Variants in CWF19L1 observed in about 807,000 individuals in gnomAD.
CWF19L1 encodes the protein CWF19-like protein 1.
A neutral mutation model predicts 69.7 loss-of-function variants in CWF19L1; 60 were observed. That is an observed-to-expected ratio of 0.86 (90% CI 0.70 to 1.07). CWF19L1 has a LOEUF of 1.07. Among genes scored for constraint, CWF19L1 ranks in the 50% least tolerant of loss-of-function variants. The pLI, the probability that CWF19L1 is intolerant of heterozygous loss-of-function variation, is 0.00. For missense variants in CWF19L1, 591 were observed against 638.9 expected, an observed-to-expected ratio of 0.92 and a Z score of 0.81; for synonymous variants, 209 against 222.2, an observed-to-expected ratio of 0.94 and a Z score of 0.53.
At chr10:100,255,308 C>T (rs1847173073) in intron 5 of CWF19L1, among the ~76,000 whole-genome samples, 1 of 152,074 alleles carries the variant, frequency 6.6e-6, no homozygotes, top group South Asian at 2.1e-4. Flanking sequence ...CACTAGAGCG[C>T]AGGAGTTCAA....
chr10:100,261,103 T>C, intron 2 of CWF19L1, 59 bp from the exon 3 acceptor site: 1 of 1,100,640 alleles, frequency 9.1e-7, no homozygotes, highest in Admixed American at 2.0e-5. Flanking sequence ...AGTACATAAT[T>C]GATAGTAATA....
At chr10:100,261,639 T>C (rs1847404994) in intron 2 of CWF19L1, among the ~76,000 whole-genome samples, 2 of 152,208 alleles carry the variant, frequency 1.3e-5, no homozygotes, top group South Asian at 2.1e-4. Flanking sequence ...TTGGTATGTA[T>C]GTTACCTGAC....
chr10:100,256,470 T>G lies in CWF19L1; in HGVS notation c.296A>C (p.Lys99Thr), dbSNP rs1200027365. 6.2e-7 allele frequency: 1 copy of G among 1,613,928 alleles called. No individual in the cohort carries two copies. Among genetic ancestry groups the G allele is most frequent in the South Asian group, 1.1e-5 (1 of 91,080 alleles). The change falls in exon 5 of 14, where the codon AAA becomes ACA. Residue 99 changes from lysine to threonine, a missense_variant. Lys to Thr is a moderately conservative substitution (Grantham distance 78). Transcript: ENST00000354105. ...LAENITYLGR[K>T]GIFTGSSGLQ... ...CCCCGAGCTTCCAGTGAAGATACCT[T>G]TACGACCTGGGTTCAAAGAAAAATG...
Position 100,253,464 on chromosome 10 carries a change from A to G in CWF19L1, c.580T>C (p.Phe194Leu), listed in dbSNP as rs545617935. ...LATGLKPRYH[F>L]AALEKTYYER... ...TAATAGGTCTTTTCCAAAGCAGCAA[A>G]ATGGTATCTTGGTTTCAAGCCCGTG... Residue 194 changes from phenylalanine (F) to leucine (L), a missense_variant, in exon 6 of 14, where the codon TTT becomes CTT. This residue lies in a region of CWF19L1 where 458 missense variants were observed against 489.3 expected (regional missense o/e 0.94). Coordinates refer to ENST00000354105, the MANE Select transcript of CWF19L1 (RefSeq NM_018294.6). 1.5e-4 allele frequency: 250 copies of G among 1,614,000 alleles called. 3 individuals carry two copies. In the South Asian group the frequency reaches 2.6e-3, roughly 17 times the overall value.
chr10:100,267,431 T>G (rs1847638131), intron 1 of CWF19L1, 140 bp downstream of exon 1: 4 of 1,555,404 alleles, frequency 2.6e-6, no homozygotes, highest in Non-Finnish European at 3.5e-6. Context: ...GGCAAAGACA[T>G]CACCTAAGCT....
rs139642060 is a variant in CWF19L1 at position 100,235,404 on chromosome 10, C to T, written c.1472+263G>A. 3.0e-3 allele frequency among the ~76,000 whole-genome samples: 455 copies of T among 152,306 alleles called. 4 individuals are homozygous for T. Among genetic ancestry groups the T allele is most frequent in the African/African-American group, 0.011 (444 of 41,562 alleles). On this transcript the variant is annotated intron_variant, in intron 13 of 13. Coordinates refer to ENST00000354105, the MANE Select transcript of CWF19L1 (RefSeq NM_018294.6). ...ATGCCTCTCAGGTTCAACTTTGCCA[C>T]TTTCATGAAGGCTTTCACCAACTAG...
chr10:100,258,388 C>A (rs964782106), intron 4 of CWF19L1, among the ~76,000 whole-genome samples: 46 of 152,194 alleles, frequency 3.0e-4, no homozygotes, highest in African/African-American at 1.1e-3. Context: ...AACCCAAGTA[C>A]CTTAGCTGCT....
At position 100,238,219 on chromosome 10, in the gene CWF19L1, G is replaced by A. The variant is rs769308352; in HGVS notation, c.1057C>T (p.Leu353=). 6 of 1,614,048 alleles carry A rather than the reference G, an allele frequency of 3.7e-6. No homozygotes were observed. The highest frequency in any genetic ancestry group is 5.1e-6 in the Non-Finnish European group (6 of 1,180,020). ...VNIGTHCYLA[L]AKGGLSDDHV... The stretch of plus-strand genomic sequence containing the variant: ...TCATCAGATAAGCCTCCTTTGGCCA[G>A]GGCAAGGTAGCACTGAAGAAGCAGC... The change falls in exon 11 of 14, where the codon CTG becomes TTG. Residue 353 remains leucine (L), a synonymous_variant. Coordinates refer to ENST00000354105, the MANE Select transcript of CWF19L1 (RefSeq NM_018294.6).
chr10:100,248,677 A>C, intron 7 of CWF19L1: 1 of 916,814 alleles, frequency 1.1e-6, no homozygotes, highest in African/African-American at 1.6e-5. Context: ...AGAACTAATC[A>C]CCTAAAGAGA....
At chr10:100,267,147 CAAAAAA>C (rs56827592) in intron 1 of CWF19L1, among the ~76,000 whole-genome samples, 4 of 30,768 alleles carry the variant, frequency 1.3e-4, no homozygotes, top group African/African-American at 2.4e-4. Flanking sequence ...CTCCTCCTCG[CAAAAAA>C]AAAAAAAAAA....
chr10:100,252,156 T>TA (rs1221240734), intron 6 of CWF19L1, among the ~76,000 whole-genome samples: 1 of 152,232 alleles, frequency 6.6e-6, no homozygotes, highest in African/African-American at 2.4e-5. Flanking sequence ...AGCTTTTACT[T>TA]AACTCTCTCA....
intron 6 of CWF19L1, 32 bp from the exon 7 acceptor site, chr10:100,250,364 A>C (rs1356762207): frequency 2.1e-6 from 3 of 1,419,688 alleles, no homozygotes; most frequent in Admixed American, 1.7e-5. Flanking sequence ...AAAAATTGCA[A>C]ACAATTTTAC....
rs1016243763 is a variant in CWF19L1, at chr10:100,262,562, CAT to C, written c.24-501_24-500del. On this transcript the variant is annotated intron_variant, in intron 1 of 13. Transcript: ENST00000354105. ...TATGCCAAGTATACTATGCTAAAAACATGTTAGCAGTACAAGGTGGAGGAAGA... is the reference window on the plus strand; with the variant it reads ...TATGCCAAGTATACTATGCTAAAAACGTTAGCAGTACAAGGTGGAGGAAGA... The C allele has an allele frequency of 1.6e-5, 11 of 706,362 alleles. No individual in the cohort carries two copies. The African/African-American group carries it at 1.9e-4, about 12-fold the overall frequency. The allele number at this position is 706,362 out of a possible 1,614,324, so 43.8% of individuals were successfully genotyped here. A position where few individuals can be genotyped will look rare whatever the true frequency, so the allele number is the denominator to read the frequency against.
At chr10:100,240,760 T>G (rs1846609776) in intron 10 of CWF19L1, among the ~76,000 whole-genome samples, 1 of 152,120 alleles carries the variant, frequency 6.6e-6, no homozygotes, top group African/African-American at 2.4e-5. Context: ...AGAAGGCAAT[T>G]CAAAGCCTAA....
intron 4 of CWF19L1, 40 bp from the exon 5 acceptor site, chr10:100,256,516 G>A: frequency 1.3e-6 from 2 of 1,538,286 alleles, no homozygotes; most frequent in Admixed American, 3.3e-5. Context: ...AGTCAGAATT[G>A]CAGAATGAAA....
At chr10:100,234,555 T>C (rs1846372919) in intron 13 of CWF19L1, among the ~76,000 whole-genome samples, 1 of 152,204 alleles carries the variant, frequency 6.6e-6, no homozygotes, top group South Asian at 2.1e-4. Flanking sequence ...TGTTCCCATT[T>C]ATCTTTTTGA....
At position 100,233,028 on chromosome 10, in the gene CWF19L1, G is replaced by T; in HGVS notation, c.*199C>A. 2.4e-6 allele frequency: 1 copy of T among 417,128 alleles called. No individual in the cohort carries two copies. Among genetic ancestry groups the T allele is most frequent in the Non-Finnish European group, 4.1e-6 (1 of 242,058 alleles). The allele number at this position is 417,128 out of a possible 1,614,324, so 25.8% of individuals were successfully genotyped here. Reference sequence around the variant, plus strand: ...CCAGGCATGGTAGCATGCGCCTGTGGTCCCAGCTACTCATGAGGCTGAGGT... The same window carrying T: ...CCAGGCATGGTAGCATGCGCCTGTGTTCCCAGCTACTCATGAGGCTGAGGT... On this transcript the variant is annotated 3_prime_UTR_variant, in exon 14 of 14. Transcript: ENST00000354105.
chr10:100,257,200 C>T (rs1274099641), intron 4 of CWF19L1, among the ~76,000 whole-genome samples: 2 of 151,826 alleles, frequency 1.3e-5, no homozygotes, highest in Non-Finnish European at 2.9e-5. Context: ...GCTCAATCAT[C>T]GCCATCCAAA....
intron 1 of CWF19L1, chr10:100,262,403 A>C (rs1847435533): frequency 6.1e-6 from 6 of 984,062 alleles, no homozygotes; most frequent in Non-Finnish European, 7.2e-6. Flanking sequence ...CTTTTTCCAA[A>C]CATCTTTCAC....
Sources: gnomAD v4.1 joint callset for allele counts (sites outside exome capture counted in the v4.1 genomes callset) on GRCh38, gnomAD v4.1.1 for gene constraint, gnomAD v4.1.1 regional missense constraint, MANE v1.5 for transcripts, NCBI Gene and HGNC (gene_info 2026-07-23, HGNC 2026-07-21) for gene names.